Variants in MCMDC2 observed in about 807,000 individuals in gnomAD.
MCMDC2 encodes minichromosome maintenance domain containing 2.
A neutral mutation model predicts 75.8 loss-of-function variants in MCMDC2; 54 were observed. That is an observed-to-expected ratio of 0.71 (90% CI 0.57 to 0.89). MCMDC2 has a LOEUF of 0.89. MCMDC2 is among the 40% of genes least tolerant of loss of function. The pLI is 0.00. For missense variants in MCMDC2, 656 were observed against 780.4 expected (o/e 0.84, Z 1.90); for synonymous variants, 249 against 274.6 (o/e 0.91, Z 0.92).
At chr8:66,912,068 AC>A (rs1267109484) in intron 14 of MCMDC2, among the ~76,000 whole-genome samples, 3 of 152,100 alleles carry the variant, frequency 2.0e-5, no homozygotes, top group African/African-American at 7.2e-5. Flanking sequence ...GTCATTGAAA[AC>A]CTTCTGGAAA....
At chr8:66,914,677 T>C (rs1035513032) in intron 14 of MCMDC2, among the ~76,000 whole-genome samples, 2 of 152,204 alleles carry the variant, frequency 1.3e-5, no homozygotes, top group African/African-American at 4.8e-5. Context: ...TGAAATACCA[T>C]GTTTGGAGTT....
intron 13 of MCMDC2, among the ~76,000 whole-genome samples, chr8:66,904,634 A>G (rs1812836126): frequency 1.3e-5 from 2 of 152,186 alleles, no homozygotes; most frequent in South Asian, 4.1e-4. Flanking sequence ...ATTCAGATAC[A>G]TCACTTTTGC....
intron 14 of MCMDC2, among the ~76,000 whole-genome samples, chr8:66,914,342 C>T (rs146307682): frequency 3.1e-4 from 46 of 148,436 alleles, no homozygotes; most frequent in African/African-American, 1.0e-3. Flanking sequence ...AAATTGAGAT[C>T]GATGCTATGA....
At chr8:66,880,756 A>T in intron 7 of MCMDC2, 93 bp from the exon 8 acceptor site, 1 of 1,216,262 alleles carries the variant, frequency 8.2e-7, no homozygotes, top group Admixed American at 3.6e-5. Flanking sequence ...CAACTACTGA[A>T]TTGTTTTACT....
chr8:66,924,831 G>A (rs1046138772), downstream of MCMDC2, among the ~76,000 whole-genome samples: 6 of 152,040 alleles, frequency 3.9e-5, no homozygotes, highest in Non-Finnish European at 8.8e-5. Flanking sequence ...CTTGACTTTA[G>A]CGCGTATTAC....
At position 66,920,242 on chromosome 8, in the gene MCMDC2, T is replaced by C. The variant is rs1167541353; in HGVS notation, c.*1073T>C. On this transcript the variant is annotated 3_prime_UTR_variant, in exon 15 of 15. Transcript: ENST00000422365. ...TTTTCAGAAGCCAAAGGTAGTGTTT[T>C]TGTTTTTTGTTTTTTTGAGATGGGG... 1.3e-5 allele frequency: 2 copies of C among 152,260 alleles called. No individual in the cohort carries two copies. The highest frequency in any genetic ancestry group is 4.8e-5 in the African/African-American group (2 of 41,422). 9.4% of individuals were successfully genotyped at this position (152,260 alleles called of 1,614,324 possible).
chr8:66,905,503 T>C (rs565959692), intron 14 of MCMDC2, 168 bp downstream of exon 14: 1 of 525,102 alleles, frequency 1.9e-6, no homozygotes, highest in African/African-American at 2.0e-5. Flanking sequence ...ATTAACTGTT[T>C]CTGGGTAGTA....
At chr8:66,901,395 G>T (rs774199323) in intron 13 of MCMDC2, 47 bp downstream of exon 13, 7 of 1,573,926 alleles carry the variant, frequency 4.4e-6, no homozygotes, top group Admixed American at 1.9e-5. Flanking sequence ...AGTTTCAAAT[G>T]ATATGTTTAA....
intron 13 of MCMDC2, among the ~76,000 whole-genome samples, chr8:66,902,711 A>AAAAAAAATATAT (rs1467425752): frequency 1.5e-5 from 1 of 67,916 alleles, no homozygotes; most frequent in Admixed American, 2.0e-4. Flanking sequence ...AAAAAAAAAA[A>AAAAAAAATATAT]ATATATATAT....
intron 9 of MCMDC2, among the ~76,000 whole-genome samples, chr8:66,888,421 G>A (rs1470301578): frequency 6.6e-6 from 1 of 152,128 alleles, no homozygotes; most frequent in Non-Finnish European, 1.5e-5. Context: ...AAGCCTTTGA[G>A]TATTTTGATT....
chr8:66,893,748 G>GGTCA (rs1355329615), intron 10 of MCMDC2, among the ~76,000 whole-genome samples: 1 of 152,026 alleles, frequency 6.6e-6, no homozygotes, highest in African/African-American at 2.4e-5. Flanking sequence ...CACATTTTAT[G>GGTCA]GTCAGTTGAT....
At chr8:66,885,241 G>C in intron 9 of MCMDC2, among the ~76,000 whole-genome samples, 1 of 151,674 alleles carries the variant, frequency 6.6e-6, no homozygotes, top group African/African-American at 2.4e-5. Context: ...GCTGAGGCAG[G>C]AGAATTGCTA....
chr8:66,924,428 G>A (rs147376313), downstream of MCMDC2, among the ~76,000 whole-genome samples: 611 of 152,100 alleles, frequency 4.0e-3, 9 homozygotes, highest in African/African-American at 0.013. Context: ...GGCTGGTCAG[G>A]AGTTCAAGAC....
rs1050448206 is a variant in MCMDC2, at chr8:66,890,805, A to G, written c.1074-60A>G. The G allele has an allele frequency of 6.9e-5, 95 of 1,382,896 alleles. 1 individual carries two copies. In the East Asian group the frequency reaches 2.1e-3, roughly 31 times the overall value. 85.7% of individuals were successfully genotyped at this position (1,382,896 alleles called of 1,614,324 possible). On this transcript the variant is annotated intron_variant, in intron 9 of 14. Transcript: ENST00000422365. ...TAAACACAGAATAAAATTAAATTTA[A>G]TACATTGTGACTTTTGAAAATTAAA...
chr8:66,880,953 A>G lies in MCMDC2; in HGVS notation c.814A>G (p.Ile272Val). The part of the protein sequence containing the change: ...QTAVCIEANS[I>V]TFCNSKVPSG... ...TGCTGTCTGTATAGAAGCAAATAGCATAACTTTTTGTAATTCAAAAGGTAA... is the reference window on the plus strand; with the variant it reads ...TGCTGTCTGTATAGAAGCAAATAGCGTAACTTTTTGTAATTCAAAAGGTAA... The change falls in exon 8 of 15, where the codon ATA becomes GTA. Residue 272 changes from isoleucine to valine, a missense_variant. Transcript: ENST00000422365. The G allele has an allele frequency of 2.0e-6, 3 of 1,524,150 alleles. No individual in the cohort carries two copies. Among genetic ancestry groups the G allele is most frequent in the African/African-American group, 1.4e-5 (1 of 71,492 alleles). 94.4% of individuals were successfully genotyped at this position (1,524,150 alleles called of 1,614,324 possible).
At position 66,921,149 on chromosome 8, in the gene MCMDC2, C is replaced by T. The variant is rs1460508284; in HGVS notation, c.*1980C>T. On this transcript the variant is annotated 3_prime_UTR_variant, in exon 15 of 15. Coordinates refer to ENST00000422365, the MANE Select transcript of MCMDC2 (RefSeq NM_173518.5). ...CAAAAAAATTAAAATGTTTAAGTTT[C>T]TCATTAAAGAGTAGAAGTGTACATT... 6.6e-6 allele frequency: 1 copy of T among 152,046 alleles called. No homozygotes were observed. Among genetic ancestry groups the T allele is most frequent in the African/African-American group, 2.4e-5 (1 of 41,382 alleles). The allele number at this position is 152,046 out of a possible 1,614,324, so 9.4% of individuals were successfully genotyped here.
intron 14 of MCMDC2, among the ~76,000 whole-genome samples, chr8:66,910,113 CT>C (rs1294996792): frequency 6.6e-6 from 1 of 152,230 alleles, no homozygotes; most frequent in African/African-American, 2.4e-5. Flanking sequence ...GGTTTAGGAA[CT>C]TCTGCCTAGA....
intron 10 of MCMDC2, among the ~76,000 whole-genome samples, chr8:66,892,979 G>C (rs1388760401): frequency 1.3e-5 from 2 of 152,144 alleles, no homozygotes; most frequent in Non-Finnish European, 2.9e-5. Context: ...TATTTTTGTT[G>C]AGGATTTTTT....
chr8:66,916,993 T>C (rs984580917), intron 14 of MCMDC2, among the ~76,000 whole-genome samples: 5 of 152,020 alleles, frequency 3.3e-5, no homozygotes, highest in African/African-American at 4.8e-5. Flanking sequence ...TGGTTGACTA[T>C]AGAAGGAGAA....
Sources: gnomAD v4.1 joint callset for allele counts (sites outside exome capture counted in the v4.1 genomes callset) on GRCh38, gnomAD v4.1.1 for gene constraint, MANE v1.5 for transcripts, NCBI Gene and HGNC (gene_info 2026-07-23, HGNC 2026-07-21) for gene names.